Variants in PPM1L observed in about 807,000 individuals in gnomAD.
PPM1L encodes the protein protein phosphatase, Mg2+/Mn2+ dependent 1L.
PPM1L carries 13 observed loss-of-function variants against 31.4 expected under a neutral mutation model. That is an observed-to-expected ratio of 0.41 (90% CI 0.27 to 0.66). The LOEUF (loss-of-function observed/expected upper bound fraction) is 0.66. Ranked by LOEUF, PPM1L falls within the 30% of genes least tolerant of loss-of-function variation. The pLI is 0.29. For missense variants in PPM1L, 326 were observed against 453.7 expected (o/e 0.72, Z 2.56); for synonymous variants, 184 against 175.4 (o/e 1.05, Z -0.39).
intron 1 of PPM1L, among the ~76,000 whole-genome samples, chr3:160,759,527 C>T (rs1028368042): frequency 2.6e-5 from 4 of 152,044 alleles, no homozygotes; most frequent in African/African-American, 9.7e-5. Context: ...TATATGAAAC[C>T]ACTGGACAAA....
At chr3:161,021,708 G>C (rs1718239415) in intron 2 of PPM1L, among the ~76,000 whole-genome samples, 1 of 151,816 alleles carries the variant, frequency 6.6e-6, no homozygotes, top group Non-Finnish European at 1.5e-5. Context: ...GAGCTCTGTT[G>C]TTATGTGCAT....
At chr3:160,862,138 C>G (rs11719198) in intron 1 of PPM1L, among the ~76,000 whole-genome samples, 1 of 152,128 alleles carries the variant, frequency 6.6e-6, no homozygotes, top group Non-Finnish European at 1.5e-5. Flanking sequence ...GATGATGATG[C>G]TAATGAAGAT....
At chr3:160,928,213 T>C (rs1357553168) in intron 1 of PPM1L, among the ~76,000 whole-genome samples, 2 of 152,202 alleles carry the variant, frequency 1.3e-5, no homozygotes, top group African/African-American at 4.8e-5. Flanking sequence ...TTTTCGCTTC[T>C]AAAGTATGGA....
At chr3:160,933,159 T>A (rs575802339) in intron 1 of PPM1L, among the ~76,000 whole-genome samples, 1 of 152,354 alleles carries the variant, frequency 6.6e-6, no homozygotes, top group Admixed American at 6.5e-5. Context: ...TTAGATAAAA[T>A]TGCCTTGTAT....
chr3:160,934,925 G>A (rs1424795614), intron 1 of PPM1L, among the ~76,000 whole-genome samples: 2 of 151,762 alleles, frequency 1.3e-5, no homozygotes, highest in Non-Finnish European at 2.9e-5. Context: ...TCCAGCCTGG[G>A]CAACAACAGA....
intron 1 of PPM1L, among the ~76,000 whole-genome samples, chr3:160,814,607 ATATATATACACACACATATGTATGTATG>A (rs1560114833): frequency 6.7e-6 from 1 of 148,494 alleles, no homozygotes; most frequent in East Asian, 1.9e-4. Flanking sequence ...ATGTATGTGT[ATATATATACACACACATATGTATGTATG>A]TGTATATATA....
chr3:161,008,983 A>G (rs928021618), intron 2 of PPM1L, among the ~76,000 whole-genome samples: 8 of 152,188 alleles, frequency 5.3e-5, no homozygotes, highest in African/African-American at 1.9e-4. Flanking sequence ...AGTAAATGTA[A>G]TTAAGAAAGA....
chr3:160,887,978 A>C (rs1310391148), intron 1 of PPM1L, among the ~76,000 whole-genome samples: 1 of 152,162 alleles, frequency 6.6e-6, no homozygotes, highest in Non-Finnish European at 1.5e-5. Flanking sequence ...CAGATAAGAA[A>C]ATGCTGAGGG....
chr3:160,882,595 A>G (rs1468911449), intron 1 of PPM1L, among the ~76,000 whole-genome samples: 3 of 152,226 alleles, frequency 2.0e-5, no homozygotes, highest in African/African-American at 7.2e-5. Context: ...TCACTTAATT[A>G]CATCTGCAAA....
chr3:160,778,890 T>G (rs1711650668), intron 1 of PPM1L, among the ~76,000 whole-genome samples: 4 of 152,190 alleles, frequency 2.6e-5, no homozygotes, highest in Admixed American at 2.6e-4. Flanking sequence ...TTCTAAGTGC[T>G]TGGTGAAAAC....
intron 2 of PPM1L, among the ~76,000 whole-genome samples, chr3:160,981,313 G>C (rs978434847): frequency 6.6e-6 from 1 of 152,172 alleles, no homozygotes; most frequent in African/African-American, 2.4e-5. Context: ...AGCAGTCTCT[G>C]AAGATTTAAC....
chr3:160,919,934 G>T (rs2108070365), intron 1 of PPM1L, among the ~76,000 whole-genome samples: 1 of 152,150 alleles, frequency 6.6e-6, no homozygotes, highest in Admixed American at 6.5e-5. Context: ...CCATTGTTGG[G>T]ATTCCTTCCC....
At chr3:161,039,799 AGCCACTGC>A (rs1275940227) in intron 2 of PPM1L, among the ~76,000 whole-genome samples, 6 of 152,232 alleles carry the variant, frequency 3.9e-5, no homozygotes, top group African/African-American at 1.4e-4. Context: ...TACAGGCGTG[AGCCACTGC>A]GCCCGGCCAT....
At chr3:160,971,283 T>C (rs1046106506) in intron 2 of PPM1L, among the ~76,000 whole-genome samples, 8 of 152,224 alleles carry the variant, frequency 5.3e-5, no homozygotes, top group African/African-American at 1.9e-4. Flanking sequence ...TAACAATGTG[T>C]GATTTTTGTC....
intron 1 of PPM1L, among the ~76,000 whole-genome samples, chr3:160,898,387 C>T (rs903468301): frequency 4.6e-5 from 7 of 152,152 alleles, no homozygotes; most frequent in African/African-American, 1.7e-4. Context: ...AGACTCTCAG[C>T]GTCTCCTGAG....
chr3:160,928,557 C>T (rs1033103886), intron 1 of PPM1L, among the ~76,000 whole-genome samples: 4 of 152,180 alleles, frequency 2.6e-5, no homozygotes, highest in African/African-American at 9.7e-5. Context: ...TGATAGCATA[C>T]AAAGAGTATC....
chr3:160,839,985 G>C (rs1713821894), intron 1 of PPM1L, among the ~76,000 whole-genome samples: 1 of 152,164 alleles, frequency 6.6e-6, no homozygotes, highest in Non-Finnish European at 1.5e-5. Context: ...CATGGAGTAG[G>C]GAGGGATAGC....
intron 2 of PPM1L, among the ~76,000 whole-genome samples, chr3:161,012,430 T>C (rs1028838272): frequency 3.3e-5 from 5 of 152,216 alleles, no homozygotes; most frequent in African/African-American, 1.2e-4. Context: ...TAGTATTTTA[T>C]TGAGGATTTT....
At chr3:160,942,908 T>C (rs1553747878) in intron 1 of PPM1L, among the ~76,000 whole-genome samples, 2 of 152,152 alleles carry the variant, frequency 1.3e-5, no homozygotes, top group African/African-American at 2.4e-5. Context: ...ATTTATTCAA[T>C]ATTCACATTT....
Sources: allele counts gnomAD v4.1 joint callset (sites outside exome capture counted in the v4.1 genomes callset), GRCh38; gene constraint gnomAD v4.1.1; transcripts MANE v1.5; gene names NCBI Gene and HGNC (gene_info 2026-07-23, HGNC 2026-07-21).